Variants in SNX31 observed in about 807,000 individuals in gnomAD.
The protein encoded by SNX31 is sorting nexin-31.
A neutral mutation model predicts 65.4 loss-of-function variants in SNX31; 58 were observed. That is an observed-to-expected ratio of 0.89 (90% CI 0.72 to 1.10). The LOEUF (loss-of-function observed/expected upper bound fraction) is 1.10, where lower values mean the gene tolerates loss of function less well. Among genes scored for constraint, SNX31 ranks in the 50% least tolerant of loss-of-function variants. The pLI, the probability that SNX31 is intolerant of heterozygous loss-of-function variation, is 0.00. For synonymous variants in SNX31, 181 were observed against 190.1 expected (o/e 0.95, Z 0.39); for missense variants, 523 against 529.7 (o/e 0.99, Z 0.12).
rs775644808 is a variant in SNX31 at position 100,604,826 on chromosome 8, T to C, written c.681+3668A>G. ...AGCTGTGCCCCTTAATAGTTAATTA[T>C]GATGGATCCATTATTTATCACAACT... On this transcript the variant is annotated intron_variant, in intron 8 of 13. Transcript: ENST00000311812. The surrounding 1 kb of genome is among the most constrained non-coding windows in gnomAD (Gnocchi z 4.3). Among the ~76,000 whole-genome samples, 2 of 152,234 alleles carry C rather than the reference T, an allele frequency of 1.3e-5. No homozygotes were observed. Among genetic ancestry groups the C allele is most frequent in the Non-Finnish European group, 2.9e-5 (2 of 68,038 alleles).
intron 7 of SNX31, among the ~76,000 whole-genome samples, chr8:100,608,793 A>G (rs551473747): frequency 2.6e-5 from 4 of 152,330 alleles, no homozygotes; most frequent in African/African-American, 9.6e-5. Context: ...AAGAGGCACA[A>G]AAATAAAGCT....
intron 1 of SNX31, chr8:100,657,745 A>C (rs1012369999): frequency 4.4e-6 from 2 of 455,500 alleles, no homozygotes; most frequent in Non-Finnish European, 8.8e-6. Flanking sequence ...CCAGAGGTGA[A>C]GAATGAAGTG....
At chr8:100,605,295 G>C (rs917733844) in intron 8 of SNX31, among the ~76,000 whole-genome samples, 1 of 152,154 alleles carries the variant, frequency 6.6e-6, no homozygotes, top group Admixed American at 6.5e-5. Flanking sequence ...GGAGAAGTGG[G>C]AGGAAGGTAG....
At chr8:100,620,822 G>A (rs560399006) in intron 4 of SNX31, among the ~76,000 whole-genome samples, 2 of 152,232 alleles carry the variant, frequency 1.3e-5, no homozygotes, top group South Asian at 2.1e-4. Flanking sequence ...TGCCCAGGCC[G>A]AGCATGGTGG....
At chr8:100,601,936 C>T (rs1815669226) in intron 8 of SNX31, among the ~76,000 whole-genome samples, 1 of 152,224 alleles carries the variant, frequency 6.6e-6, no homozygotes. Flanking sequence ...CTCCTCTTGG[C>T]ACCCAGCTCC....
chr8:100,632,448 A>G (rs1818475900), intron 3 of SNX31, among the ~76,000 whole-genome samples: 1 of 152,172 alleles, frequency 6.6e-6, no homozygotes, highest in South Asian at 2.1e-4. Flanking sequence ...TAGAATTTTT[A>G]CTTACTATGT....
chr8:100,652,858 C>A (rs1179404894), upstream of SNX31, among the ~76,000 whole-genome samples: 2 of 152,086 alleles, frequency 1.3e-5, no homozygotes, highest in African/African-American at 2.4e-5. Context: ...AGGGGCCCAG[C>A]CAATGTGCAT....
intron 1 of SNX31, among the ~76,000 whole-genome samples, chr8:100,654,980 T>C (rs1054902728): frequency 6.6e-6 from 1 of 152,172 alleles, no homozygotes; most frequent in African/African-American, 2.4e-5. Flanking sequence ...GCCATTGCAC[T>C]TCAGCCTGGG....
At chr8:100,606,764 T>C (rs1816201055) in intron 8 of SNX31, among the ~76,000 whole-genome samples, 1 of 152,232 alleles carries the variant, frequency 6.6e-6, no homozygotes, top group African/African-American at 2.4e-5. Context: ...TTTAGCTACA[T>C]CCTCTATTAA....
chr8:100,596,363 T>C (rs947518533), intron 10 of SNX31, among the ~76,000 whole-genome samples: 2 of 152,140 alleles, frequency 1.3e-5, no homozygotes, highest in South Asian at 2.1e-4. Context: ...GTAGCTGTTA[T>C]TGCCATCTGC....
upstream of SNX31, among the ~76,000 whole-genome samples, chr8:100,650,850 G>GTTT (rs58797178): frequency 9.5e-5 from 13 of 136,970 alleles, no homozygotes; most frequent in East Asian, 4.2e-4. Context: ...GTGTTTTTTT[G>GTTT]TTTTTTTTTT....
intron 4 of SNX31, among the ~76,000 whole-genome samples, chr8:100,619,653 G>A (rs764191101): frequency 3.3e-5 from 5 of 152,244 alleles, no homozygotes; most frequent in African/African-American, 4.8e-5. Flanking sequence ...GGGGTGGATT[G>A]TTCCTTGGCA....
rs1812787631 is a variant in SNX31, at chr8:100,573,464, T to A, written c.*401A>T. 6.5e-6 allele frequency: 1 copy of A among 153,496 alleles called. No homozygotes were observed. The highest frequency in any genetic ancestry group is 1.4e-5 in the Non-Finnish European group (1 of 68,994). 9.5% of individuals were successfully genotyped at this position (153,496 alleles called of 1,614,324 possible). ...TCCAAAATATCTTTATGATATTTTATGAGACTTTCATTTATGTAAATTCAA... is the reference window on the plus strand; with the variant it reads ...TCCAAAATATCTTTATGATATTTTAAGAGACTTTCATTTATGTAAATTCAA... On this transcript the variant is annotated 3_prime_UTR_variant, in exon 14 of 14. Coordinates refer to ENST00000311812, the MANE Select transcript of SNX31 (RefSeq NM_152628.4).
At chr8:100,607,736 C>T (rs1415813354) in intron 8 of SNX31, among the ~76,000 whole-genome samples, 1 of 152,246 alleles carries the variant, frequency 6.6e-6, no homozygotes, top group Non-Finnish European at 1.5e-5. Flanking sequence ...TTATTACACA[C>T]TGCATGCCTG....
chr8:100,588,590 G>C lies in SNX31; in HGVS notation c.1092+276C>G, dbSNP rs910486037. 6.6e-6 allele frequency among the ~76,000 whole-genome samples: 1 copy of C among 152,164 alleles called. No individual in the cohort carries two copies. The highest frequency in any genetic ancestry group is 1.5e-5 in the Non-Finnish European group (1 of 68,028). ...TCCTAAAATATTTACTATCCTTTAA[G>C]AAAAAGTCTATGGACTCCTGGTCTA... is the stretch of plus-strand genomic sequence containing the variant. On this transcript the variant is annotated intron_variant, in intron 11 of 13. Transcript: ENST00000311812. This position sits in a 1 kb window ranked among gnomAD's most constrained non-coding sequence, Gnocchi z 4.8.
Position 100,596,645 on chromosome 8 carries a change from A to C in SNX31, c.972T>G (p.Thr324=). 6.2e-7 allele frequency: 1 copy of C among 1,614,014 alleles called. No individual in the cohort carries two copies. The highest frequency in any genetic ancestry group is 1.1e-5 in the South Asian group (1 of 91,074). ...AAGGTGCCAAGATACTCACAAGGAA[A>C]GTGACCTGCCAGCACTTCACCCTGC... ...QMSRVKCWQV[T]FLGTLLDTDG... Residue 324 remains threonine (T), a synonymous_variant, in exon 10 of 14, where the codon ACT becomes ACG. Coordinates refer to ENST00000311812, the MANE Select transcript of SNX31 (RefSeq NM_152628.4).
Position 100,604,461 on chromosome 8 carries a change from G to A in SNX31, c.682-4020C>T, listed in dbSNP as rs1380414290. 2.0e-5 allele frequency among the ~76,000 whole-genome samples: 3 copies of A among 152,202 alleles called. No homozygotes were observed. Among genetic ancestry groups the A allele is most frequent in the Admixed American group, 6.5e-5 (1 of 15,276 alleles). On this transcript the variant is annotated intron_variant, in intron 8 of 13. Coordinates refer to ENST00000311812, the MANE Select transcript of SNX31 (RefSeq NM_152628.4). The surrounding 1 kb of genome is among the most constrained non-coding windows in gnomAD (Gnocchi z 4.3). ...AGCATGGTGGAGAAGGGCAAGGGAC[G>A]TGTGTGCCTGGACAAGGTCACCAGG... is the stretch of plus-strand genomic sequence containing the variant.
chr8:100,638,961 T>C (rs1818964541), intron 2 of SNX31, among the ~76,000 whole-genome samples: 1 of 152,220 alleles, frequency 6.6e-6, no homozygotes, highest in Admixed American at 6.5e-5. Flanking sequence ...AAAAGCTATA[T>C]ACTATATGAT....
rs967954789 is a variant in SNX31, at chr8:100,578,045, T to C, written c.1171-970A>G. ...ACACTCAGTGTTTTAAGAAAGTTTA[T>C]GAATTTGCATTAGGCCACATTCAGA... On this transcript the variant is annotated intron_variant, in intron 12 of 13. Transcript: ENST00000311812. This position sits in a 1 kb window ranked among gnomAD's most constrained non-coding sequence, Gnocchi z 4.7. Among the ~76,000 whole-genome samples the C allele has an allele frequency of 2.0e-5, 3 of 152,176 alleles. No homozygotes were observed. Among genetic ancestry groups the C allele is most frequent in the Non-Finnish European group, 4.4e-5 (3 of 68,048 alleles).
Sources: allele counts gnomAD v4.1 joint callset (sites outside exome capture counted in the v4.1 genomes callset), GRCh38; gene constraint gnomAD v4.1.1; non-coding constraint Gnocchi (gnomAD v3.1); transcripts MANE v1.5; gene names NCBI Gene and HGNC (gene_info 2026-07-23, HGNC 2026-07-21).